SYT2: variants seen among roughly 807,000 people sequenced by gnomAD.
SYT2 encodes the protein synaptotagmin 2, also known as synaptotagmin-2.
A neutral mutation model predicts 39.9 loss-of-function variants in SYT2; 15 were observed. The ratio of observed to expected loss-of-function variants is 0.38; its 90% CI spans 0.25 to 0.58. SYT2 has a LOEUF of 0.58. Among genes scored for constraint, SYT2 ranks in the 20% least tolerant of loss-of-function variants. The pLI is 0.70. For synonymous variants in SYT2, 181 were observed against 204.5 expected (o/e 0.89, Z 0.98); for missense variants, 389 against 530.3 (o/e 0.73, Z 2.62).
intron 1 of SYT2, among the ~76,000 whole-genome samples, chr1:202,638,973 G>C (rs1259904062): frequency 1.3e-5 from 2 of 152,200 alleles, no homozygotes; most frequent in African/African-American, 4.8e-5. Context: ...GAAAAGCGTG[G>C]TCTTGGAAGT....
At position 202,596,303 on chromosome 1, in the gene SYT2, AC is replaced by A. The variant is rs1271135049; in HGVS notation, c.*453del. 9.1e-5 allele frequency: 3 copies of A among 33,148 alleles called. No individual in the cohort carries two copies. In the East Asian group the frequency reaches 4.0e-3, roughly 44 times the overall value. The allele number at this position is 33,148 out of a possible 1,614,324, so 2.1% of individuals were successfully genotyped here. On this transcript the variant is annotated 3_prime_UTR_variant, in exon 9 of 9. Transcript: ENST00000367268. Reference sequence around the variant, plus strand: ...CACACACACACACACACACACACACACACATACACACACACACACACACACA... The same window carrying A: ...CACACACACACACACACACACACACAACATACACACACACACACACACACA...
rs558840365 is a variant in SYT2, at chr1:202,640,897, T to A, written c.-17-35108A>T. 2.0e-5 allele frequency among the ~76,000 whole-genome samples: 3 copies of A among 152,210 alleles called. No homozygotes were observed. The East Asian group carries it at 5.8e-4, about 29-fold the overall frequency. ...GGAAGATCACACTGCAAGTCCACAA[T>A]CTTTCCCTGCTCCCCATGGCCACTA... On this transcript the variant is annotated intron_variant, in intron 1 of 8. Transcript: ENST00000367268.
intron 1 of SYT2, among the ~76,000 whole-genome samples, chr1:202,644,479 G>T (rs1464599930): frequency 6.6e-6 from 1 of 152,096 alleles, no homozygotes; most frequent in African/African-American, 2.4e-5. Context: ...CACCCGATAA[G>T]ACCTCGGGGC....
At chr1:202,665,826 TA>T (rs1290036443) in intron 1 of SYT2, among the ~76,000 whole-genome samples, 1 of 152,246 alleles carries the variant, frequency 6.6e-6, no homozygotes, top group Non-Finnish European at 1.5e-5. Context: ...TCATGATTTC[TA>T]ATTTAAGAAG....
At chr1:202,709,112 G>A (rs923940858) in intron 1 of SYT2, among the ~76,000 whole-genome samples, 1 of 152,148 alleles carries the variant, frequency 6.6e-6, no homozygotes, top group African/African-American at 2.4e-5. Flanking sequence ...AGATCCTAAG[G>A]ACTTCCTCCT....
chr1:202,631,808 C>T (rs1691601468), intron 1 of SYT2, among the ~76,000 whole-genome samples: 1 of 152,148 alleles, frequency 6.6e-6, no homozygotes, highest in Non-Finnish European at 1.5e-5. Context: ...GGTTAGCCCA[C>T]TATTGGGAGG....
At chr1:202,609,789 C>G (rs4950861) in intron 1 of SYT2, among the ~76,000 whole-genome samples, 1,995 of 152,174 alleles carry the variant, frequency 0.013, 23 homozygotes, top group South Asian at 0.041. Context: ...GATATTAGCC[C>G]TTTGTCAGAT....
chr1:202,607,058 C>CCT (rs1192334287), intron 1 of SYT2, among the ~76,000 whole-genome samples: 18 of 152,142 alleles, frequency 1.2e-4, no homozygotes, highest in Admixed American at 9.8e-4. Context: ...TAGTAAAACA[C>CCT]TGAGCATAAA....
intron 1 of SYT2, chr1:202,631,928 C>T (rs770566919): frequency 4.1e-5 from 27 of 656,030 alleles, no homozygotes; most frequent in Non-Finnish European, 5.1e-5. Flanking sequence ...TCCATCCCAG[C>T]CCTTGCTGCT....
At chr1:202,598,239 G>C (rs555562297) in intron 8 of SYT2, among the ~76,000 whole-genome samples, 1 of 152,350 alleles carries the variant, frequency 6.6e-6, no homozygotes, top group Non-Finnish European at 1.5e-5. Context: ...ATGATGGACT[G>C]TGGGGTCATT....
Position 202,596,976 on chromosome 1 carries a change from CGAG to C in SYT2, c.1054-16_1054-14del. The C allele has an allele frequency of 6.2e-7, 1 of 1,610,278 alleles. No individual in the cohort carries two copies. The highest frequency in any genetic ancestry group is 8.5e-7 in the Non-Finnish European group (1 of 1,177,102). On this transcript the variant is annotated splice_polypyrimidine_tract_variant and intron_variant, in intron 8 of 8. Transcript: ENST00000367268. Reference sequence around the variant, plus strand: ...CTACCTGGACTTTCTGCAAGGAAAACGAGGGAGGGAGTTGGCAGACAGAGACGT... The same window carrying C: ...CTACCTGGACTTTCTGCAAGGAAAACGGAGGGAGTTGGCAGACAGAGACGT...
intron 1 of SYT2, among the ~76,000 whole-genome samples, chr1:202,643,621 G>A (rs1030899583): frequency 3.3e-5 from 5 of 152,192 alleles, no homozygotes; most frequent in African/African-American, 9.7e-5. Context: ...CCCCGCTGCT[G>A]GGGAGGCTGC....
chr1:202,613,067 C>CTTTTTTTTTTTTTTTTTTTTT (rs1690930669), intron 1 of SYT2, among the ~76,000 whole-genome samples: 1 of 121,604 alleles, frequency 8.2e-6, no homozygotes, highest in Admixed American at 1.0e-4. Flanking sequence ...ATTGGTTCTT[C>CTTTTTTTTTTTTTTTTTTTTT]CTTTTTTTTT....
At chr1:202,620,701 C>T (rs1468192081) in intron 1 of SYT2, among the ~76,000 whole-genome samples, 6 of 152,010 alleles carry the variant, frequency 3.9e-5, no homozygotes, top group Admixed American at 3.9e-4. Flanking sequence ...CAGAGCTCAG[C>T]CACAGTTCTT....
chr1:202,626,397 G>GTTTTTTTTTT (rs1558437010), intron 1 of SYT2, among the ~76,000 whole-genome samples: 5 of 102,438 alleles, frequency 4.9e-5, no homozygotes, highest in South Asian at 3.8e-4. Flanking sequence ...CAGCCTCTCA[G>GTTTTTTTTTT]CTTTTTTTTT....
At chr1:202,698,463 C>A (rs1489575302) in intron 1 of SYT2, among the ~76,000 whole-genome samples, 3 of 152,176 alleles carry the variant, frequency 2.0e-5, no homozygotes, top group African/African-American at 4.8e-5. Flanking sequence ...CTCATCCTCC[C>A]AGGAAGAACT....
chr1:202,631,000 G>A lies in SYT2; in HGVS notation c.-17-25211C>T, dbSNP rs555793879. ...ACCTCCACCCACACACACGGCATTCGGCAGCTGCAGGGCCCAGCCCTGCAC... is the reference window on the plus strand; with the variant it reads ...ACCTCCACCCACACACACGGCATTCAGCAGCTGCAGGGCCCAGCCCTGCAC... On this transcript the variant is annotated intron_variant, in intron 1 of 8. Transcript: ENST00000367268. Among the ~76,000 whole-genome samples the A allele has an allele frequency of 8.5e-5, 13 of 152,268 alleles. No individual in the cohort carries two copies. The South Asian group carries it at 1.0e-3, about 12-fold the overall frequency.
In SYT2 at chr1:202,710,244, G is replaced by A. The variant is rs1654363416; in HGVS notation, c.-18+14C>T. The A allele has an allele frequency of 6.6e-6, 1 of 152,284 alleles. No individual in the cohort carries two copies. The highest frequency in any genetic ancestry group is 1.5e-5 in the Non-Finnish European group (1 of 68,088). The allele number at this position is 152,284 out of a possible 1,614,324, so 9.4% of individuals were successfully genotyped here. A position where few individuals can be genotyped will look rare whatever the true frequency, so the allele number is the denominator to read the frequency against. ...GGGAGGTCCGTGCCCCCACCGGCGGGGGTATGGACTTACCGGAGAGCGACC... is the reference window on the plus strand; with the variant it reads ...GGGAGGTCCGTGCCCCCACCGGCGGAGGTATGGACTTACCGGAGAGCGACC... On this transcript the variant is annotated intron_variant, in intron 1 of 8. Coordinates refer to ENST00000367268, the MANE Select transcript of SYT2 (RefSeq NM_177402.5).
At chr1:202,654,327 G>A (rs10737582) in intron 1 of SYT2, among the ~76,000 whole-genome samples, 63,352 of 151,838 alleles carry the variant, frequency 0.42, 13,948 homozygotes, top group East Asian at 0.74. Context: ...TGCTGCCCAC[G>A]CTCCCTGGCA....
Sources: gnomAD v4.1 joint callset for allele counts (sites outside exome capture counted in the v4.1 genomes callset) on GRCh38, gnomAD v4.1.1 for gene constraint, MANE v1.5 for transcripts, NCBI Gene and HGNC (gene_info 2026-07-23, HGNC 2026-07-21) for gene names.